Variants in CACNA2D3 observed in about 807,000 individuals in gnomAD.
CACNA2D3 encodes the protein voltage-dependent calcium channel subunit alpha-2/delta-3.
A neutral mutation model predicts 160.6 loss-of-function variants in CACNA2D3; 60 were observed. The observed-to-expected ratio is 0.37, with a 90% CI of 0.30 to 0.46. The LOEUF is 0.46. Ranked by LOEUF, CACNA2D3 falls within the 20% of genes least tolerant of loss-of-function variation. CACNA2D3 has a pLI of 1.00. For missense variants in CACNA2D3, 1,205 were observed against 1,365.0 expected (o/e 0.88, Z 1.85); for synonymous variants, 558 against 492.9 (o/e 1.13, Z -1.75).
At chr3:54,799,705 C>G (rs142596930) in intron 13 of CACNA2D3, among the ~76,000 whole-genome samples, 1 of 152,172 alleles carries the variant, frequency 6.6e-6, no homozygotes, top group Admixed American at 6.5e-5. Context: ...CCCATCTCCC[C>G]TGGTGAGGTT....
intron 3 of CACNA2D3, among the ~76,000 whole-genome samples, chr3:54,375,149 C>T (rs1575421675): frequency 2.0e-5 from 3 of 152,252 alleles, no homozygotes; most frequent in South Asian, 4.1e-4. Context: ...CCTTGTACCC[C>T]GTAAGCCTGG....
At chr3:54,570,181 C>A in intron 8 of CACNA2D3, 77 bp downstream of exon 8, 1 of 1,414,362 alleles carries the variant, frequency 7.1e-7, no homozygotes, top group Non-Finnish European at 9.9e-7. Flanking sequence ...ACATTGCTCT[C>A]GCTGTTAGAT....
At chr3:54,968,689 C>T (rs1485617770) in intron 28 of CACNA2D3, among the ~76,000 whole-genome samples, 178 bp downstream of exon 28, 3 of 152,178 alleles carry the variant, frequency 2.0e-5, no homozygotes, top group African/African-American at 7.2e-5. Flanking sequence ...GCATGTTAGA[C>T]ACCACATGCT....
intron 9 of CACNA2D3, among the ~76,000 whole-genome samples, chr3:54,604,534 C>G (rs1320039005): frequency 1.3e-5 from 2 of 152,164 alleles, no homozygotes; most frequent in Non-Finnish European, 2.9e-5. Flanking sequence ...GTCCTCCTTT[C>G]CAAGACTCAG....
intron 11 of CACNA2D3, among the ~76,000 whole-genome samples, chr3:54,695,037 G>C (rs945188866): frequency 6.6e-6 from 1 of 151,456 alleles, no homozygotes; most frequent in African/African-American, 2.4e-5. Flanking sequence ...TTTTTTTTGA[G>C]ATGGAGTTTT....
chr3:54,808,252 C>T lies in CACNA2D3; in HGVS notation c.1381-8601C>T, dbSNP rs564367225. Reference sequence around the variant, plus strand: ...AATAGTAAGAAAAATTCAGTTCACTCCAGATGCCCCAATAGCTTATACTGA... The same window carrying T: ...AATAGTAAGAAAAATTCAGTTCACTTCAGATGCCCCAATAGCTTATACTGA... On this transcript the variant is annotated intron_variant, in intron 13 of 37. Coordinates refer to ENST00000474759, the MANE Select transcript of CACNA2D3 (RefSeq NM_018398.3). Among the ~76,000 whole-genome samples, 13 of 152,164 alleles carry T rather than the reference C, an allele frequency of 8.5e-5. No homozygotes were observed. In the South Asian group the frequency reaches 2.7e-3, roughly 32 times the overall value.
At chr3:54,648,220 G>A (rs542552365) in intron 11 of CACNA2D3, among the ~76,000 whole-genome samples, 7 of 152,170 alleles carry the variant, frequency 4.6e-5, no homozygotes, top group East Asian at 3.9e-4. Flanking sequence ...TATGAGTTAC[G>A]AATGATTTTC....
chr3:54,883,235 A>G (rs57049773), intron 21 of CACNA2D3, among the ~76,000 whole-genome samples: 23,553 of 152,034 alleles, frequency 0.15, 2,011 homozygotes, highest in African/African-American at 0.22. Context: ...TGTTGGTTAG[A>G]CTGGTCTCGA....
At chr3:54,925,257 G>A in intron 27 of CACNA2D3, 1 of 1,520,802 alleles carries the variant, frequency 6.6e-7, no homozygotes, top group South Asian at 1.2e-5. Context: ...ACCAGTTTGT[G>A]AGGTGTGGTA....
At chr3:55,012,302 G>A (rs1200747625) in intron 34 of CACNA2D3, among the ~76,000 whole-genome samples, 1 of 151,854 alleles carries the variant, frequency 6.6e-6, no homozygotes, top group Non-Finnish European at 1.5e-5. Flanking sequence ...GGGTGGTGGT[G>A]GTTTTTTTTT....
At chr3:54,262,483 A>G (rs1440654808) in intron 2 of CACNA2D3, among the ~76,000 whole-genome samples, 1 of 152,224 alleles carries the variant, frequency 6.6e-6, no homozygotes, top group Non-Finnish European at 1.5e-5. Flanking sequence ...CATGCTGGTT[A>G]AAACTCAGAC....
intron 13 of CACNA2D3, among the ~76,000 whole-genome samples, chr3:54,810,778 G>A (rs1703286619): frequency 6.6e-6 from 1 of 152,194 alleles, no homozygotes. Flanking sequence ...CGTTGAGCTA[G>A]AGCACTAGAT....
At chr3:54,380,387 C>T (rs1228988183) in intron 3 of CACNA2D3, among the ~76,000 whole-genome samples, 1 of 152,210 alleles carries the variant, frequency 6.6e-6, no homozygotes, top group Non-Finnish European at 1.5e-5. Context: ...CTGCTAGGAT[C>T]GCATTAGTCC....
intron 11 of CACNA2D3, among the ~76,000 whole-genome samples, chr3:54,670,110 A>C (rs142776669): frequency 6.6e-6 from 1 of 152,340 alleles, no homozygotes; most frequent in East Asian, 1.9e-4. Context: ...ATTCTGCTGT[A>C]GAGTTCATGG....
At chr3:54,794,243 C>T (rs954880396) in intron 13 of CACNA2D3, among the ~76,000 whole-genome samples, 2 of 152,022 alleles carry the variant, frequency 1.3e-5, no homozygotes, top group African/African-American at 2.4e-5. Flanking sequence ...TTAGTTGTTT[C>T]TTTTGAGTGA....
At chr3:54,926,623 G>T (rs1195469021) in intron 27 of CACNA2D3, among the ~76,000 whole-genome samples, 1 of 151,544 alleles carries the variant, frequency 6.6e-6, no homozygotes, top group Non-Finnish European at 1.5e-5. Context: ...TCTGCAATTT[G>T]CTCTGTTCAC....
intron 24 of CACNA2D3, among the ~76,000 whole-genome samples, chr3:54,891,114 C>T (rs1700055509): frequency 6.7e-6 from 1 of 150,204 alleles, no homozygotes; most frequent in Non-Finnish European, 1.5e-5. Context: ...GCAGGAAGTT[C>T]TTCATTTTTC....
At chr3:54,344,871 CA>C (rs1698427897) in intron 3 of CACNA2D3, among the ~76,000 whole-genome samples, 1 of 152,154 alleles carries the variant, frequency 6.6e-6, no homozygotes, top group South Asian at 2.1e-4. Context: ...AAATACAGGT[CA>C]TAAAGACCTT....
chr3:54,424,235 A>G (rs942830562), intron 4 of CACNA2D3, among the ~76,000 whole-genome samples: 6 of 152,170 alleles, frequency 3.9e-5, no homozygotes, highest in African/African-American at 1.4e-4. Context: ...AGAGTGAGCT[A>G]TGGGACCTTC....
Sources: allele counts gnomAD v4.1 joint callset (sites outside exome capture counted in the v4.1 genomes callset), GRCh38; gene constraint gnomAD v4.1.1; transcripts MANE v1.5; gene names NCBI Gene and HGNC (gene_info 2026-07-23, HGNC 2026-07-21).